Variants in CNTN4 observed in about 807,000 individuals in gnomAD.
The protein encoded by CNTN4 is contactin 4.
Under a neutral mutation model 122.5 loss-of-function variants are expected in CNTN4, and 77 were observed. That is an observed-to-expected ratio of 0.63 (90% CI 0.52 to 0.76). The LOEUF (loss-of-function observed/expected upper bound fraction) is 0.76. Among genes scored for constraint, CNTN4 ranks in the 30% least tolerant of loss-of-function variants. The pLI is 0.00. For missense variants in CNTN4, 1,256 were observed against 1,259.1 expected (o/e 1.00, Z 0.04); for synonymous variants, 512 against 447.0 (o/e 1.15, Z -1.83).
chr3:2,266,520 C>A (rs984675164), intron 2 of CNTN4, among the ~76,000 whole-genome samples: 4 of 151,948 alleles, frequency 2.6e-5, no homozygotes, highest in African/African-American at 7.2e-5. Context: ...CTCCCCCCAA[C>A]AAGATGGAGA....
At chr3:2,458,172 G>C (rs2049070601) in intron 3 of CNTN4, among the ~76,000 whole-genome samples, 1 of 152,112 alleles carries the variant, frequency 6.6e-6, no homozygotes, top group Admixed American at 6.6e-5. Context: ...TTATTAGCTG[G>C]AGATGTGCCT....
chr3:2,359,226 C>A (rs1275460388), intron 3 of CNTN4, among the ~76,000 whole-genome samples: 1 of 151,976 alleles, frequency 6.6e-6, no homozygotes, highest in African/African-American at 2.4e-5. Flanking sequence ...TGTGAGTCTA[C>A]AGTAGAGTCA....
At chr3:2,507,752 A>G (rs1383022521) in intron 3 of CNTN4, among the ~76,000 whole-genome samples, 3 of 147,800 alleles carry the variant, frequency 2.0e-5, no homozygotes, top group Admixed American at 1.4e-4. Context: ...AAAAAAAAAG[A>G]AAGAAAGAAA....
intron 2 of CNTN4, among the ~76,000 whole-genome samples, chr3:2,140,345 C>A (rs1003839172): frequency 1.3e-5 from 2 of 152,142 alleles, no homozygotes; most frequent in Non-Finnish European, 2.9e-5. Flanking sequence ...GCCTCTGTTG[C>A]CCAGATCAGA....
chr3:2,841,069 C>G lies in CNTN4; in HGVS notation c.454+21488C>G, dbSNP rs1392252860. Among the ~76,000 whole-genome samples the G allele has an allele frequency of 6.6e-6, 1 of 152,158 alleles. No individual in the cohort carries two copies. The highest frequency in any genetic ancestry group is 1.5e-5 in the Non-Finnish European group (1 of 68,032). ...AAGAGTGAGGAAAAAAGTCAAGGAT[C>G]TTCAAAATCATACATGACTGATACC... On this transcript the variant is annotated intron_variant, in intron 7 of 24. Transcript: ENST00000418658. This position sits in a 1 kb window ranked among gnomAD's most constrained non-coding sequence, Gnocchi z 4.8.
chr3:3,024,035 G>A (rs2125619081), intron 14 of CNTN4, among the ~76,000 whole-genome samples: 1 of 152,268 alleles, frequency 6.6e-6, no homozygotes, highest in African/African-American at 2.4e-5. Context: ...GTGCTTAACA[G>A]TGCTAAGGGA....
chr3:2,778,613 A>G (rs1317818556), intron 6 of CNTN4, among the ~76,000 whole-genome samples: 2 of 152,202 alleles, frequency 1.3e-5, no homozygotes, highest in Admixed American at 1.3e-4. Flanking sequence ...CAGACAGGAA[A>G]TGGAACTATT....
chr3:2,409,249 C>CTTTTTTT (rs372224744), intron 3 of CNTN4, among the ~76,000 whole-genome samples: 2 of 132,638 alleles, frequency 1.5e-5, no homozygotes, highest in Non-Finnish European at 3.2e-5. Context: ...CTTTTCTTTT[C>CTTTTTTT]TTTTTTTTTT....
chr3:2,345,771 A>G (rs2044376691), intron 3 of CNTN4, among the ~76,000 whole-genome samples: 1 of 152,204 alleles, frequency 6.6e-6, no homozygotes, highest in Admixed American at 6.5e-5. Flanking sequence ...GTTCCGCACC[A>G]CAACTAATTT....
At chr3:2,522,146 AGTTTGTGTGTGTGTGTGTGT>A (rs1418099246) in intron 3 of CNTN4, among the ~76,000 whole-genome samples, 2 of 134,446 alleles carry the variant, frequency 1.5e-5, no homozygotes, top group Non-Finnish European at 3.4e-5. Flanking sequence ...CTGCCTAAGC[AGTTTGTGTGTGTGTGTGTGT>A]GTGTGTGTGT....
intron 4 of CNTN4, among the ~76,000 whole-genome samples, chr3:2,682,556 CA>C (rs1281970937): frequency 7.2e-5 from 11 of 152,066 alleles, no homozygotes. Context: ...AGAATTTGGA[CA>C]TGCACTAGGC....
chr3:2,433,278 C>G (rs2048143103), intron 3 of CNTN4, among the ~76,000 whole-genome samples: 1 of 152,180 alleles, frequency 6.6e-6, no homozygotes, highest in South Asian at 2.1e-4. Context: ...AATGGTTTCC[C>G]TTTCTCCACA....
At chr3:2,258,018 G>A (rs1268299195) in intron 2 of CNTN4, among the ~76,000 whole-genome samples, 1 of 152,132 alleles carries the variant, frequency 6.6e-6, no homozygotes, top group Non-Finnish European at 1.5e-5. Context: ...AGCTGAGATC[G>A]CACCATTGCA....
intron 2 of CNTN4, among the ~76,000 whole-genome samples, chr3:2,169,423 T>G (rs2036343337): frequency 1.3e-5 from 2 of 151,962 alleles, no homozygotes; most frequent in Non-Finnish European, 2.9e-5. Flanking sequence ...CTTTTTTTTT[T>G]TGAGACGGAG....
At chr3:2,820,957 C>CTTTATTTT (rs1435679583) in intron 7 of CNTN4, among the ~76,000 whole-genome samples, 1 of 70,644 alleles carries the variant, frequency 1.4e-5, no homozygotes, top group South Asian at 4.6e-4. Context: ...AACATTTTCT[C>CTTTATTTT]TTTCTTTTTT....
chr3:3,050,546 C>G lies in CNTN4; in HGVS notation c.2812-3261C>G, dbSNP rs527727547. 1.3e-4 allele frequency among the ~76,000 whole-genome samples: 20 copies of G among 151,998 alleles called. No individual in the cohort carries two copies. The East Asian group carries it at 3.9e-3, about 30-fold the overall frequency. On this transcript the variant is annotated intron_variant, in intron 23 of 24. Coordinates refer to ENST00000418658, the MANE Select transcript of CNTN4 (RefSeq NM_175607.3). ...TGGGAGGCCGAGGTGGGTGGATCAC[C>G]TGAGGTCAGGAGTTTGAGACCAGCC...
chr3:2,590,280 A>G (rs556051725), intron 4 of CNTN4, among the ~76,000 whole-genome samples: 4 of 152,282 alleles, frequency 2.6e-5, no homozygotes, highest in African/African-American at 9.6e-5. Flanking sequence ...GTTTTGAGAC[A>G]GGGTCTCGCT....
chr3:2,170,218 G>A (rs1403167448), intron 2 of CNTN4, among the ~76,000 whole-genome samples: 2 of 151,842 alleles, frequency 1.3e-5, no homozygotes, highest in Non-Finnish European at 2.9e-5. Context: ...TACTCGGGAG[G>A]CTGAGGCGGG....
chr3:2,701,804 A>C (rs990859241), intron 4 of CNTN4, among the ~76,000 whole-genome samples: 1 of 152,196 alleles, frequency 6.6e-6, no homozygotes, highest in African/African-American at 2.4e-5. Context: ...AGATTGCTGC[A>C]AAAGTAATTG....
Sources: gnomAD v4.1 joint callset for allele counts (sites outside exome capture counted in the v4.1 genomes callset) on GRCh38, gnomAD v4.1.1 for gene constraint, Gnocchi (gnomAD v3.1) non-coding constraint, MANE v1.5 for transcripts, NCBI Gene and HGNC (gene_info 2026-07-23, HGNC 2026-07-21) for gene names.